Variants in KATNAL2 observed in about 807,000 individuals in gnomAD.
The protein encoded by KATNAL2 is katanin p60 ATPase-containing subunit A-like 2.
A neutral mutation model predicts 76.3 loss-of-function variants in KATNAL2; 52 were observed. The ratio of observed to expected loss-of-function variants is 0.68; its 90% CI spans 0.55 to 0.86. The LOEUF is 0.86. Among genes scored for constraint, KATNAL2 ranks in the 40% least tolerant of loss-of-function variants. The pLI is 0.00. For missense variants in KATNAL2, 660 were observed against 668.9 expected, an observed-to-expected ratio of 0.99 and a Z score of 0.15; for synonymous variants, 243 against 244.2, an observed-to-expected ratio of 1.00 and a Z score of 0.05.
chr18:47,028,311 T>TTGC (rs774497142), intron 3 of KATNAL2: 2 of 108,374 alleles, frequency 1.8e-5, no homozygotes, highest in Middle Eastern at 1.9e-3. Context: ...CGCGTGCCGG[T>TTGC]TGCTGCTGCC....
intron 15 of KATNAL2, among the ~76,000 whole-genome samples, chr18:47,079,296 C>CTCTTTACCA (rs1430404829): frequency 6.6e-6 from 1 of 152,202 alleles, no homozygotes; most frequent in Non-Finnish European, 1.5e-5. Context: ...TTTCAAAACT[C>CTCTTTACCA]TCTTTACCAT....
chr18:47,091,736 G>T (rs2063009351), intron 15 of KATNAL2, among the ~76,000 whole-genome samples: 1 of 152,130 alleles, frequency 6.6e-6, no homozygotes, highest in African/African-American at 2.4e-5. Flanking sequence ...TCATCTACAA[G>T]ACTCCATTTT....
intron 3 of KATNAL2, chr18:47,033,061 A>G: frequency 6.2e-7 from 1 of 1,614,122 alleles, no homozygotes; most frequent in African/African-American, 1.3e-5. Context: ...CAGCGGGGCC[A>G]CTTTCTTGGC....
In KATNAL2 at chr18:46,957,867, A is replaced by G. The variant is rs970378514; in HGVS notation, c.51+10944A>G. Among the ~76,000 whole-genome samples, 7 of 150,968 alleles carry G rather than the reference A, an allele frequency of 4.6e-5. No homozygotes were observed. In the East Asian group the frequency reaches 1.4e-3, roughly 30 times the overall value. ...GTGAGCCACCGCGCCCAGCCTAATT[A>G]TTGTATTTTTAGTAGAGACGGGGTT... On this transcript the variant is annotated intron_variant, in intron 3 of 17. Coordinates refer to ENST00000683218, the MANE Select transcript of KATNAL2 (RefSeq NM_001387690.1).
intron 3 of KATNAL2, among the ~76,000 whole-genome samples, chr18:47,037,038 A>T (rs2060803116): frequency 6.6e-6 from 1 of 152,234 alleles, no homozygotes; most frequent in Admixed American, 6.5e-5. Flanking sequence ...TATAGTAAAG[A>T]CATTTGAAAG....
intron 13 of KATNAL2, 47 bp downstream of exon 13, chr18:47,069,647 C>T (rs2061928318): frequency 1.6e-6 from 2 of 1,259,584 alleles, no homozygotes; most frequent in African/African-American, 3.0e-5. Flanking sequence ...TAGTGTAATA[C>T]AGTGGTACAA....
At chr18:47,072,112 C>A (rs2062030543) in intron 13 of KATNAL2, among the ~76,000 whole-genome samples, 1 of 151,492 alleles carries the variant, frequency 6.6e-6, no homozygotes, top group Non-Finnish European at 1.5e-5. Context: ...AGGTGCCCCC[C>A]ACCATGCCTG....
intron 15 of KATNAL2, among the ~76,000 whole-genome samples, chr18:47,083,036 T>C (rs1360620313): frequency 6.6e-6 from 1 of 152,196 alleles, no homozygotes; most frequent in African/African-American, 2.4e-5. Context: ...AATAATTCCT[T>C]CCCTGTTGAA....
At position 47,100,338 on chromosome 18, in the gene KATNAL2, C is replaced by T. The variant is rs548770639; in HGVS notation, c.1459C>T (p.Leu487Phe). Residue 487 changes from leucine (L) to phenylalanine (F), a missense_variant, in exon 17 of 18, where the codon CTT becomes TTT. By Grantham distance (22) the Leu-to-Phe change is conservative. Coordinates refer to ENST00000683218, the MANE Select transcript of KATNAL2 (RefSeq NM_001387690.1). ...MRPVRKIFDA[L>F]ENHQSESSDL... ...GCCCGTGAGGAAGATCTTTGATGCACTTGAAAATCACCAGTCAGGTATGGG... is the reference window on the plus strand; with the variant it reads ...GCCCGTGAGGAAGATCTTTGATGCATTTGAAAATCACCAGTCAGGTATGGG... The T allele has an allele frequency of 1.1e-4, 171 of 1,613,840 alleles. 4 individuals carry two copies. In the South Asian group the frequency reaches 1.9e-3, roughly 18 times the overall value.
Position 47,101,189 on chromosome 18 carries a change from G to A in KATNAL2, c.*184G>A. The A allele has an allele frequency of 3.2e-6, 2 of 626,134 alleles. No homozygotes were observed. Among genetic ancestry groups the A allele is most frequent in the Non-Finnish European group, 5.4e-6 (2 of 372,694 alleles). 38.8% of individuals were successfully genotyped at this position (626,134 alleles called of 1,614,324 possible). On this transcript the variant is annotated 3_prime_UTR_variant, in exon 18 of 18. Transcript: ENST00000683218. ...TATTTATTAACTTACCATTATCGAT[G>A]TCAGCAAAATATTGAGAGTTTCAGT...
intron 3 of KATNAL2, chr18:47,034,661 G>A: frequency 1.2e-6 from 2 of 1,613,672 alleles, no homozygotes; most frequent in South Asian, 1.1e-5. Flanking sequence ...GGCCCGCCCT[G>A]AGCCGCGTGA....
intron 1 of KATNAL2, chr18:46,920,298 C>CAT: frequency 3.0e-6 from 1 of 337,782 alleles, no homozygotes; most frequent in South Asian, 2.4e-5. Context: ...AGTGTGGACC[C>CAT]GTGCCCTAAG....
intron 3 of KATNAL2, among the ~76,000 whole-genome samples, chr18:46,956,886 T>C (rs996729868): frequency 2.0e-5 from 3 of 151,630 alleles, no homozygotes; most frequent in Non-Finnish European, 4.4e-5. Flanking sequence ...CTACTACAAA[T>C]ACAAAAATTA....
At chr18:46,953,729 C>G (rs1440043273) in intron 3 of KATNAL2, among the ~76,000 whole-genome samples, 1 of 151,328 alleles carries the variant, frequency 6.6e-6, no homozygotes, top group Non-Finnish European at 1.5e-5. Flanking sequence ...TGTACTCCAA[C>G]CTAGGCGACA....
chr18:47,044,617 C>T (rs982393740), intron 3 of KATNAL2, among the ~76,000 whole-genome samples: 2 of 151,552 alleles, frequency 1.3e-5, no homozygotes, highest in African/African-American at 2.4e-5. Context: ...AGAAATTAGC[C>T]GGGTGTGGTA....
At chr18:47,041,118 G>A (rs144226476) in intron 3 of KATNAL2, among the ~76,000 whole-genome samples, 10 of 152,186 alleles carry the variant, frequency 6.6e-5, no homozygotes, top group South Asian at 2.1e-4. Flanking sequence ...GAATTCCCAC[G>A]TACCTCTCTG....
chr18:46,946,303 AG>A lies in KATNAL2; in HGVS notation c.-259del. On this transcript the variant is annotated 5_prime_UTR_variant, in exon 2 of 18. An upstream open reading frame in the 5' UTR loses its in-frame stop. Coordinates refer to ENST00000683218, the MANE Select transcript of KATNAL2 (RefSeq NM_001387690.1). Reference sequence around the variant, plus strand: ...CTGATGTGAAAGGAATTGGAGGAGAAGGGGAAGTTTGGTGATGCACAGTTTG... The same window carrying A: ...CTGATGTGAAAGGAATTGGAGGAGAAGGGAAGTTTGGTGATGCACAGTTTG... 9.5e-7 allele frequency: 1 copy of A among 1,055,464 alleles called. No individual in the cohort carries two copies. Among genetic ancestry groups the A allele is most frequent in the Non-Finnish European group, 1.2e-6 (1 of 869,298 alleles). The allele number at this position is 1,055,464 out of a possible 1,614,324, so 65.4% of individuals were successfully genotyped here. A position where few individuals can be genotyped will look rare whatever the true frequency, so the allele number is the denominator to read the frequency against.
chr18:46,926,000 G>A (rs144983654), intron 1 of KATNAL2, among the ~76,000 whole-genome samples: 7,039 of 151,908 alleles, frequency 0.046, 190 homozygotes, highest in Non-Finnish European at 0.065. Context: ...TCTTCCTAGC[G>A]GTCTATCAAT....
At chr18:46,947,394 C>T (rs2059413662) in intron 3 of KATNAL2, among the ~76,000 whole-genome samples, 1 of 152,148 alleles carries the variant, frequency 6.6e-6, no homozygotes, top group Admixed American at 6.6e-5. Flanking sequence ...TCAGTTTCTC[C>T]ATCTGAAAGT....
Sources: gnomAD v4.1 joint callset for allele counts (sites outside exome capture counted in the v4.1 genomes callset) on GRCh38, gnomAD v4.1.1 for gene constraint, MANE v1.5 for transcripts, NCBI Gene and HGNC (gene_info 2026-07-23, HGNC 2026-07-21) for gene names.